Variants in PTPN11 observed in about 807,000 individuals in gnomAD.
PTPN11 encodes protein tyrosine phosphatase non-receptor type 11, also known as tyrosine-protein phosphatase non-receptor type 11.
In PTPN11, 6 loss-of-function variants were observed where a neutral mutation model predicts 78.8. The ratio of observed to expected loss-of-function variants is 0.08; its 90% CI spans 0.04 to 0.15. PTPN11 has a LOEUF of 0.15. Among genes scored for constraint, PTPN11 ranks in the 10% least tolerant of loss-of-function variants. PTPN11 has a pLI of 1.00. For synonymous variants in PTPN11, 221 were observed against 263.5 expected (o/e 0.84, Z 1.56); for missense variants, 386 against 744.8 (o/e 0.52, Z 5.61).
chr12:112,459,982 C>G (rs1700632349), intron 6 of PTPN11, among the ~76,000 whole-genome samples: 1 of 152,098 alleles, frequency 6.6e-6, no homozygotes, highest in South Asian at 2.1e-4. Context: ...GGATCTCACT[C>G]TGTTGCCCAG....
At chr12:112,498,964 C>A (rs2038842766) in intron 13 of PTPN11, among the ~76,000 whole-genome samples, 1 of 152,084 alleles carries the variant, frequency 6.6e-6, no homozygotes, top group African/African-American at 2.4e-5. Flanking sequence ...CTAATTATTC[C>A]ACACTAGAAA....
rs564096164 is a variant in PTPN11, at chr12:112,500,117, A to C, written c.1600-2027A>C. On this transcript the variant is annotated intron_variant, in intron 13 of 15. Transcript: ENST00000351677. ...AAATAAGCTGGGTGTTGTGGTGCACACCTGTAATCCCAGCTACTTGGGAGG... is the reference window on the plus strand; with the variant it reads ...AAATAAGCTGGGTGTTGTGGTGCACCCCTGTAATCCCAGCTACTTGGGAGG... Among the ~76,000 whole-genome samples the C allele has an allele frequency of 2.6e-5, 4 of 151,722 alleles. No homozygotes were observed. In the East Asian group the frequency reaches 7.8e-4, roughly 30 times the overall value.
intron 6 of PTPN11, among the ~76,000 whole-genome samples, chr12:112,472,536 C>CTT (rs71445574): frequency 4.9e-5 from 7 of 141,976 alleles, no homozygotes; most frequent in African/African-American, 7.7e-5. Flanking sequence ...GATGAACCTT[C>CTT]TTTTTTTTTT....
chr12:112,440,198 A>C (rs2037862808), intron 1 of PTPN11, among the ~76,000 whole-genome samples: 1 of 152,188 alleles, frequency 6.6e-6, no homozygotes, highest in Non-Finnish European at 1.5e-5. Context: ...CTGAATGCAA[A>C]AGTATTGGAT....
At chr12:112,428,222 A>G (rs1172689089) in intron 1 of PTPN11, among the ~76,000 whole-genome samples, 8 of 152,108 alleles carry the variant, frequency 5.3e-5, no homozygotes, top group Non-Finnish European at 1.2e-4. Context: ...ATTAATTGTA[A>G]TAAACTTGTT....
At chr12:112,480,224 C>T (rs1028239300) in intron 9 of PTPN11, among the ~76,000 whole-genome samples, 2 of 152,110 alleles carry the variant, frequency 1.3e-5, no homozygotes, top group Admixed American at 6.6e-5. Context: ...TGGCCAGTGA[C>T]AGCATAGAGT....
intron 14 of PTPN11, among the ~76,000 whole-genome samples, chr12:112,503,070 A>G (rs1450880487): frequency 1.3e-5 from 2 of 152,256 alleles, no homozygotes. Context: ...GATGTGGGCC[A>G]TGGCCTGTTA....
At chr12:112,419,350 G>A (rs1179859570) in intron 1 of PTPN11, among the ~76,000 whole-genome samples, 2 of 152,138 alleles carry the variant, frequency 1.3e-5, no homozygotes, top group East Asian at 3.9e-4. Context: ...CCCGAGTTCC[G>A]GCTGCGGCAG....
intron 6 of PTPN11, among the ~76,000 whole-genome samples, chr12:112,463,329 C>T (rs932877078): frequency 6.6e-6 from 1 of 152,008 alleles, no homozygotes; most frequent in Non-Finnish European, 1.5e-5. Flanking sequence ...GATCCTCCTG[C>T]CTTGGCCTCC....
intron 1 of PTPN11, among the ~76,000 whole-genome samples, chr12:112,419,643 GTCT>G (rs1009187202): frequency 2.0e-5 from 3 of 152,146 alleles, no homozygotes; most frequent in African/African-American, 4.8e-5. Flanking sequence ...GCCTCTTTGT[GTCT>G]TCTTTTCCTC....
At chr12:112,460,855 C>A (rs574268225) in intron 6 of PTPN11, among the ~76,000 whole-genome samples, 2 of 152,166 alleles carry the variant, frequency 1.3e-5, no homozygotes, top group African/African-American at 4.8e-5. Flanking sequence ...CGAAACAAAA[C>A]AAAACAATCT....
At chr12:112,473,101 C>G in intron 7 of PTPN11, 61 bp downstream of exon 7, 1 of 1,341,980 alleles carries the variant, frequency 7.5e-7, no homozygotes, top group Non-Finnish European at 1.1e-6. Context: ...CCTAGCACCT[C>G]TGTACCTTTC....
chr12:112,450,397 A>G lies in PTPN11; in HGVS notation c.217A>G (p.Thr73Ala). 2 of 1,613,742 alleles carry G rather than the reference A, an allele frequency of 1.2e-6. No individual in the cohort carries two copies. Among genetic ancestry groups the G allele is most frequent in the Non-Finnish European group, 1.7e-6 (2 of 1,179,660 alleles). ...YDLYGGEKFA[T>A]LAELVQYYME... ...CCTGTATGGAGGGGAGAAATTTGCC[A>G]CTTTGGCTGAGTTGGTCCAGTATTA... Residue 73 changes from threonine (T) to alanine (A), a missense_variant, in exon 3 of 16, where the codon ACT (threonine) becomes GCT (alanine). By Grantham distance (58) the Thr-to-Ala change is moderately conservative. Coordinates refer to ENST00000351677, the MANE Select transcript of PTPN11 (RefSeq NM_002834.5).
Position 112,460,032 on chromosome 12 carries a change from C to A in PTPN11, c.756+3969C>A, listed in dbSNP as rs559969894. ...GTGCATTCTCAGCTCACTGCAACCT[C>A]CACCTCCTGGGCTCAACTGATTCTC... is the stretch of plus-strand genomic sequence containing the variant. On this transcript the variant is annotated intron_variant, in intron 6 of 15. Transcript: ENST00000351677. Among the ~76,000 whole-genome samples, 222 of 152,212 alleles carry A rather than the reference C, an allele frequency of 1.5e-3. 1 individual carries two copies. The highest frequency in any genetic ancestry group is 2.8e-3 in the Non-Finnish European group (192 of 68,028).
intron 1 of PTPN11, among the ~76,000 whole-genome samples, chr12:112,434,676 A>C (rs1263218295): frequency 6.6e-6 from 1 of 152,088 alleles, no homozygotes; most frequent in Admixed American, 6.6e-5. Context: ...AAAACAAGAG[A>C]ATCCCATTTG....
Position 112,482,013 on chromosome 12 carries a change from T to C in PTPN11, c.1093-61T>C. The C allele has an allele frequency of 6.7e-7, 1 of 1,497,322 alleles. No homozygotes were observed. The highest frequency in any genetic ancestry group is 9.3e-7 in the Non-Finnish European group (1 of 1,078,050). 92.8% of individuals were successfully genotyped at this position (1,497,322 alleles called of 1,614,324 possible). A position where few individuals can be genotyped will look rare whatever the true frequency, so the allele number is the denominator to read the frequency against. On this transcript the variant is annotated intron_variant, in intron 9 of 15. Coordinates refer to ENST00000351677, the MANE Select transcript of PTPN11 (RefSeq NM_002834.5). This position sits in a 1 kb window ranked among gnomAD's most constrained non-coding sequence, Gnocchi z 4.4. ...AAGACTTGAACATTTGTTTGTTGCTTGTTTAGGCTTTTATTTCAGAGTTCA... is the reference window on the plus strand; with the variant it reads ...AAGACTTGAACATTTGTTTGTTGCTCGTTTAGGCTTTTATTTCAGAGTTCA...
intron 15 of PTPN11, among the ~76,000 whole-genome samples, 159 bp from the exon 16 acceptor site, chr12:112,505,666 A>C (rs886385459): frequency 4.0e-5 from 6 of 151,596 alleles, no homozygotes; most frequent in Middle Eastern, 3.4e-3. Context: ...CAAAAAAAAA[A>C]AAAAAAAAAA....
intron 1 of PTPN11, among the ~76,000 whole-genome samples, chr12:112,424,679 A>T (rs2037577453): frequency 6.6e-6 from 1 of 152,124 alleles, no homozygotes; most frequent in African/African-American, 2.4e-5. Context: ...CTGCCATTAA[A>T]AAGCTGCTTG....
chr12:112,434,156 T>C (rs551607256), intron 1 of PTPN11, among the ~76,000 whole-genome samples: 6 of 151,868 alleles, frequency 4.0e-5, no homozygotes, highest in Non-Finnish European at 5.9e-5. Context: ...GGTGCATTCC[T>C]GTAGTCCCAG....
Sources: gnomAD v4.1 joint callset for allele counts (sites outside exome capture counted in the v4.1 genomes callset) on GRCh38, gnomAD v4.1.1 for gene constraint, Gnocchi (gnomAD v3.1) non-coding constraint, MANE v1.5 for transcripts, NCBI Gene and HGNC (gene_info 2026-07-23, HGNC 2026-07-21) for gene names.